CRACD: variants seen among roughly 807,000 people sequenced by gnomAD.
CRACD encodes capping protein-inhibiting regulator of actin dynamics.
Under a neutral mutation model 106.8 loss-of-function variants are expected in CRACD, and 56 were observed. The ratio of observed to expected loss-of-function variants is 0.52; its 90% CI spans 0.42 to 0.66. CRACD has a LOEUF of 0.66. Ranked by LOEUF, CRACD falls within the 30% of genes least tolerant of loss-of-function variation. The probability of loss-of-function intolerance (pLI) is 0.00; values close to 1 mark genes in which losing one functional copy is unlikely to be tolerated. For synonymous variants in CRACD, 754 were observed against 670.8 expected (o/e 1.12, Z -1.92); for missense variants, 1,730 against 1,623.2 (o/e 1.07, Z -1.13).
rs762070119 is a variant in CRACD, at chr4:56,323,445, C to T, written c.3256C>T (p.Gln1086Ter). Residue 1086 changes from glutamine (Q) to a stop codon, truncating the protein, a stop_gained, in exon 9 of 11, where the codon CAG (glutamine) becomes TAG (stop). Coordinates refer to ENST00000682029, the MANE Select transcript of CRACD (RefSeq NM_001393381.1). LOFTEE classifies it high-confidence loss of function. Reference protein sequence around the residue: ...SKLTEKVETAQPLWITLALQK... With the variant: ...SKLTEKVETA ...ACTTACAGAGAAAGTGGAAACTGCT[C>T]AGCCGCTGTGGATAACGTTAGCACT... 1.2e-6 allele frequency: 2 copies of T among 1,611,874 alleles called. No individual in the cohort carries two copies. Among genetic ancestry groups the T allele is most frequent in the South Asian group, 1.1e-5 (1 of 90,656 alleles).
chr4:56,304,807 A>T (rs1577884545), intron 4 of CRACD, among the ~76,000 whole-genome samples: 1 of 152,172 alleles, frequency 6.6e-6, no homozygotes, highest in East Asian at 1.9e-4. Context: ...TAATTTAAAA[A>T]ATTTAAAATG....
At chr4:56,103,738 C>T (rs958108646) in intron 1 of CRACD, among the ~76,000 whole-genome samples, 1 of 152,176 alleles carries the variant, frequency 6.6e-6, no homozygotes, top group Non-Finnish European at 1.5e-5. Flanking sequence ...TTTTTGTGTG[C>T]ATAACTGTGA....
At chr4:56,070,928 G>A (rs1478703779) in intron 1 of CRACD, among the ~76,000 whole-genome samples, 1 of 147,342 alleles carries the variant, frequency 6.8e-6, no homozygotes, top group Non-Finnish European at 1.5e-5. Flanking sequence ...CTCAGGAGGA[G>A]AGGCAGAGAA....
intron 1 of CRACD, among the ~76,000 whole-genome samples, chr4:56,178,362 A>G (rs1420162335): frequency 6.6e-6 from 1 of 152,200 alleles, no homozygotes; most frequent in African/African-American, 2.4e-5. Context: ...CTAAAAAACC[A>G]GTGGGTGTCT....
intron 1 of CRACD, among the ~76,000 whole-genome samples, chr4:56,127,929 G>A (rs1734711519): frequency 6.6e-6 from 1 of 152,182 alleles, no homozygotes; most frequent in South Asian, 2.1e-4. Flanking sequence ...GGCTTTGCTT[G>A]CACAAAGGGA....
chr4:56,059,833 GC>G (rs1408634924), intron 1 of CRACD, among the ~76,000 whole-genome samples: 1 of 151,982 alleles, frequency 6.6e-6, no homozygotes, highest in African/African-American at 2.4e-5. Context: ...ACAGGCATGC[GC>G]CACCACACCT....
intron 2 of CRACD, among the ~76,000 whole-genome samples, chr4:56,233,542 C>T: frequency 6.6e-6 from 1 of 152,088 alleles, no homozygotes; most frequent in East Asian, 1.9e-4. Flanking sequence ...TCTTTCTTGT[C>T]TTCTGATTTA....
At chr4:56,180,377 T>A (rs1380493625) in intron 2 of CRACD, among the ~76,000 whole-genome samples, 1 of 151,774 alleles carries the variant, frequency 6.6e-6, no homozygotes, top group Non-Finnish European at 1.5e-5. Context: ...TAATCCCAGC[T>A]ACTTGGGAGG....
chr4:56,106,315 C>T (rs147013608), intron 1 of CRACD, among the ~76,000 whole-genome samples: 181 of 152,262 alleles, frequency 1.2e-3, no homozygotes, highest in African/African-American at 4.1e-3. Context: ...AATTATAAAC[C>T]GTAAACAACT....
chr4:56,103,946 T>C (rs1733860813), intron 1 of CRACD, among the ~76,000 whole-genome samples: 1 of 152,160 alleles, frequency 6.6e-6, no homozygotes, highest in Admixed American at 6.5e-5. Flanking sequence ...GGCTAGTTTT[T>C]TGTATTTACT....
Position 56,329,737 on chromosome 4 carries a change from C to T in CRACD, c.*1933C>T, listed in dbSNP as rs1460576082. On this transcript the variant is annotated 3_prime_UTR_variant, in exon 11 of 11. Transcript: ENST00000682029. ...TTTTTAATGGGAATCTTTCCACCTA[C>T]AGCCCTGGAATGATAATGCTACAGT... Among the ~76,000 whole-genome samples, 2 of 152,168 alleles carry T rather than the reference C, an allele frequency of 1.3e-5. No homozygotes were observed. Among genetic ancestry groups the T allele is most frequent in the Non-Finnish European group, 2.9e-5 (2 of 68,020 alleles).
At position 56,314,450 on chromosome 4, in the gene CRACD, G is replaced by C. The variant is rs11723379; in HGVS notation, c.948G>C (p.Ala316=). The part of the protein sequence containing the change: ...REREERERLE[A]EEERRRLQAQ... ...GTGAGGAGCGCGAGCGCCTGGAGGCGGAGGAGGAGCGAAGGCGTCTGCAGG... is the reference window on the plus strand; with the variant it reads ...GTGAGGAGCGCGAGCGCCTGGAGGCCGAGGAGGAGCGAAGGCGTCTGCAGG... The change falls in exon 8 of 11, where the codon GCG becomes GCC. Residue 316 remains alanine, a synonymous_variant. Coordinates refer to ENST00000682029, the MANE Select transcript of CRACD (RefSeq NM_001393381.1). The surrounding 1 kb of genome is among the most constrained non-coding windows in gnomAD (Gnocchi z 4.4). 0.39 allele frequency: 604,998 copies of C among 1,539,660 alleles called. 122,117 individuals carry two copies. Among genetic ancestry groups the C allele is most frequent in the Non-Finnish European group, 0.41 (472,526 of 1,143,032 alleles).
In CRACD at chr4:56,133,284, C is replaced by T. The variant is rs140478772; in HGVS notation, c.-335-46000C>T. ...TAGTAATATATAGATGTGAAAACTC[C>T]AACGGGCAATGTGTAGTGTGGGTAA... On this transcript the variant is annotated intron_variant, in intron 1 of 10. Coordinates refer to ENST00000682029, the MANE Select transcript of CRACD (RefSeq NM_001393381.1). Among the ~76,000 whole-genome samples, 689 of 152,290 alleles carry T rather than the reference C, an allele frequency of 4.5e-3. 19 individuals carry two copies. The East Asian group carries it at 0.066, about 15-fold the overall frequency.
At chr4:56,302,656 T>TA (rs1433917523) in intron 4 of CRACD, among the ~76,000 whole-genome samples, 4 of 152,312 alleles carry the variant, frequency 2.6e-5, no homozygotes, top group South Asian at 2.1e-4. Flanking sequence ...TTTCTTTTTT[T>TA]TTATTATTAT....
Position 56,316,281 on chromosome 4 carries a change from C to T in CRACD, c.2779C>T (p.Arg927Cys). The T allele has an allele frequency of 6.2e-7, 1 of 1,613,978 alleles. No homozygotes were observed. The highest frequency in any genetic ancestry group is 1.1e-5 in the South Asian group (1 of 91,084). The stretch of plus-strand genomic sequence containing the variant: ...GGACTCCGCTGAACCTTCCAGCAGC[C>T]GCTCTGTTCCTGTGGCCCACCCTGG... ...RRDSAEPSSS[R>C]SVPVAHPGPP... The change falls in exon 8 of 11, where the codon CGC becomes TGC. Residue 927 changes from arginine to cysteine, a missense_variant. Around this residue, in one of 5 missense-constraint regions of CRACD, gnomAD observed 1,620 missense variants for 1,481.6 expected, o/e 1.09. Transcript: ENST00000682029.
intron 1 of CRACD, among the ~76,000 whole-genome samples, chr4:56,133,658 T>C (rs1734897003): frequency 6.6e-6 from 1 of 152,130 alleles, no homozygotes; most frequent in Non-Finnish European, 1.5e-5. Flanking sequence ...ACCTTAAACA[T>C]GAAATTACAA....
chr4:56,183,062 G>A (rs1243519882), intron 2 of CRACD, among the ~76,000 whole-genome samples: 3 of 151,440 alleles, frequency 2.0e-5, no homozygotes, highest in Non-Finnish European at 2.9e-5. Flanking sequence ...GAGAAACCCC[G>A]TCTCTACTAA....
rs1342653872 is a variant in CRACD at position 56,232,042 on chromosome 4, A to G, written c.-188-40279A>G. 2.6e-5 allele frequency among the ~76,000 whole-genome samples: 4 copies of G among 152,292 alleles called. No individual in the cohort carries two copies. In the East Asian group the frequency reaches 7.7e-4, roughly 29 times the overall value. On this transcript the variant is annotated intron_variant, in intron 2 of 10. Transcript: ENST00000682029. ...ATAATAAGTTCCAAACATGGAGAAA[A>G]ATGCAAGCCAACTCAACTCTCCCAC...
At chr4:56,059,348 C>T (rs1553899030) in intron 1 of CRACD, among the ~76,000 whole-genome samples, 1 of 151,866 alleles carries the variant, frequency 6.6e-6, no homozygotes, top group Non-Finnish European at 1.5e-5. Flanking sequence ...TGGTGGTGTG[C>T]ACCTGTGGTC....
Sources: allele counts gnomAD v4.1 joint callset (sites outside exome capture counted in the v4.1 genomes callset), GRCh38; gene constraint gnomAD v4.1.1; regional missense constraint gnomAD v4.1.1; non-coding constraint Gnocchi (gnomAD v3.1); transcripts MANE v1.5; gene names NCBI Gene and HGNC (gene_info 2026-07-23, HGNC 2026-07-21).